Variants in CNTN4 observed in about 807,000 individuals in gnomAD.
CNTN4 encodes contactin 4.
In CNTN4, 77 loss-of-function variants were observed where a neutral mutation model predicts 122.5. That is an observed-to-expected ratio of 0.63 (90% CI 0.52 to 0.76). The LOEUF is 0.76. Ranked by LOEUF, CNTN4 falls within the 30% of genes least tolerant of loss-of-function variation. CNTN4 has a pLI of 0.00. For synonymous variants in CNTN4, 512 were observed against 447.0 expected, an observed-to-expected ratio of 1.15 and a Z score of -1.83; for missense variants, 1,256 against 1,259.1, an observed-to-expected ratio of 1.00 and a Z score of 0.04.
chr3:2,419,944 T>C (rs1002549565), intron 3 of CNTN4, among the ~76,000 whole-genome samples: 2 of 152,162 alleles, frequency 1.3e-5, no homozygotes, highest in East Asian at 1.9e-4. Context: ...CTGTAATTTT[T>C]AGTTACAGAT....
At chr3:2,850,892 G>A (rs542808514) in intron 7 of CNTN4, among the ~76,000 whole-genome samples, 2 of 152,200 alleles carry the variant, frequency 1.3e-5, no homozygotes, top group South Asian at 4.1e-4. Flanking sequence ...TCTCCTTGAT[G>A]TGTTGGAATA....
At position 2,284,552 on chromosome 3, in the gene CNTN4, G is replaced by A. The variant is rs559898031; in HGVS notation, c.-144-54626G>A. ...GAATTTAATCAAATTTTTATATAAA[G>A]TGTAATTTCAAGGAATTTATAATGG... On this transcript the variant is annotated intron_variant, in intron 2 of 24. Transcript: ENST00000418658. Among the ~76,000 whole-genome samples the A allele has an allele frequency of 2.0e-5, 3 of 152,092 alleles. No homozygotes were observed. The East Asian group carries it at 5.8e-4, about 29-fold the overall frequency.
At chr3:3,003,197 C>G (rs1458678833) in intron 14 of CNTN4, among the ~76,000 whole-genome samples, 1 of 152,090 alleles carries the variant, frequency 6.6e-6, no homozygotes, top group Non-Finnish European at 1.5e-5. Context: ...CTTCTAAGGG[C>G]AGTTTTCAGT....
At chr3:2,137,651 A>G (rs2034763903) in intron 2 of CNTN4, among the ~76,000 whole-genome samples, 1 of 152,224 alleles carries the variant, frequency 6.6e-6, no homozygotes, top group African/African-American at 2.4e-5. Context: ...TTTGGGAGCT[A>G]TGCACATCAT....
At chr3:3,049,428 T>A (rs1236695547) in intron 23 of CNTN4, among the ~76,000 whole-genome samples, 1 of 152,202 alleles carries the variant, frequency 6.6e-6, no homozygotes, top group East Asian at 1.9e-4. Context: ...CAGTTATTAT[T>A]GCTAGTTTTA....
At chr3:2,672,205 C>T (rs1033999248) in intron 4 of CNTN4, among the ~76,000 whole-genome samples, 28 of 152,196 alleles carry the variant, frequency 1.8e-4, no homozygotes, top group African/African-American at 6.5e-4. Flanking sequence ...ATGCCCTGCC[C>T]CCAGTGGTGG....
chr3:2,229,519 C>T (rs988474063), intron 2 of CNTN4, among the ~76,000 whole-genome samples: 9 of 151,930 alleles, frequency 5.9e-5, no homozygotes, highest in Admixed American at 2.0e-4. Context: ...GAATTACAGC[C>T]GAATATTCAT....
intron 3 of CNTN4, among the ~76,000 whole-genome samples, chr3:2,370,308 C>T (rs1028879191): frequency 2.1e-4 from 32 of 152,030 alleles, no homozygotes; most frequent in African/African-American, 6.0e-4. Flanking sequence ...ATGAAAAAAA[C>T]CTCAGTAATG....
At chr3:2,113,488 T>C (rs2033114753) in intron 2 of CNTN4, among the ~76,000 whole-genome samples, 1 of 152,222 alleles carries the variant, frequency 6.6e-6, no homozygotes, top group Non-Finnish European at 1.5e-5. Flanking sequence ...TTTCATTTTA[T>C]CAGTTGATTT....
At chr3:2,643,310 A>G (rs1334129322) in intron 4 of CNTN4, among the ~76,000 whole-genome samples, 1 of 152,100 alleles carries the variant, frequency 6.6e-6, no homozygotes, top group Admixed American at 6.5e-5. Flanking sequence ...ACTGGCTGCA[A>G]CTACAGGTCC....
At chr3:2,865,029 A>T (rs768834326) in intron 7 of CNTN4, among the ~76,000 whole-genome samples, 20 of 152,268 alleles carry the variant, frequency 1.3e-4, no homozygotes, top group Non-Finnish European at 2.4e-4. Flanking sequence ...CATACGGGAT[A>T]GTACTTCTTC....
At chr3:2,647,682 C>T (rs1454690654) in intron 4 of CNTN4, among the ~76,000 whole-genome samples, 1 of 152,132 alleles carries the variant, frequency 6.6e-6, no homozygotes, top group East Asian at 1.9e-4. Context: ...CATGAGACCT[C>T]CTTTTACTTA....
chr3:3,042,733 G>C, intron 21 of CNTN4: 1 of 587,222 alleles, frequency 1.7e-6, no homozygotes, highest in Non-Finnish European at 3.0e-6. Context: ...TGGGAAAAAA[G>C]AAAATAATGA....
intron 4 of CNTN4, among the ~76,000 whole-genome samples, chr3:2,638,734 C>T (rs1576310851): frequency 6.6e-6 from 1 of 152,076 alleles, no homozygotes; most frequent in African/African-American, 2.4e-5. Context: ...CTCTTTTTCT[C>T]CCCCAAACCT....
At chr3:2,480,730 G>T (rs1468267785) in intron 3 of CNTN4, among the ~76,000 whole-genome samples, 1 of 152,134 alleles carries the variant, frequency 6.6e-6, no homozygotes, top group Admixed American at 6.5e-5. Context: ...TCCCAGAAAG[G>T]TATTTTGTGG....
intron 3 of CNTN4, among the ~76,000 whole-genome samples, chr3:2,502,419 G>T (rs2076620374): frequency 6.6e-6 from 1 of 152,028 alleles, no homozygotes; most frequent in Non-Finnish European, 1.5e-5. Context: ...GTACTTTCTT[G>T]CACAATTCCA....
chr3:2,643,514 T>A (rs562734526), intron 4 of CNTN4, among the ~76,000 whole-genome samples: 2 of 152,152 alleles, frequency 1.3e-5, no homozygotes, highest in Non-Finnish European at 2.9e-5. Context: ...TAGTGACTTG[T>A]GTGCATGTCC....
At chr3:2,787,715 C>G (rs1015500756) in intron 6 of CNTN4, among the ~76,000 whole-genome samples, 1 of 151,802 alleles carries the variant, frequency 6.6e-6, no homozygotes, top group Non-Finnish European at 1.5e-5. Context: ...ATAGCGCATA[C>G]TTTGTTGGTT....
At chr3:3,002,202 G>A (rs1203836756) in intron 14 of CNTN4, among the ~76,000 whole-genome samples, 1 of 152,058 alleles carries the variant, frequency 6.6e-6, no homozygotes. Flanking sequence ...TAATTGATTC[G>A]ACCAGTGTGT....
Sources: gnomAD v4.1 joint callset for allele counts (sites outside exome capture counted in the v4.1 genomes callset) on GRCh38, gnomAD v4.1.1 for gene constraint, MANE v1.5 for transcripts, NCBI Gene and HGNC (gene_info 2026-07-23, HGNC 2026-07-21) for gene names.